Variants in THEMIS observed in about 807,000 individuals in gnomAD.
THEMIS encodes the protein thymocyte selection associated.
THEMIS carries 37 observed loss-of-function variants against 52.6 expected under a neutral mutation model. The ratio of observed to expected loss-of-function variants is 0.70; its 90% CI spans 0.54 to 0.93. The LOEUF is 0.93. Ranked by LOEUF, THEMIS falls within the 40% of genes least tolerant of loss-of-function variation. THEMIS has a pLI of 0.00. For synonymous variants in THEMIS, 292 were observed against 272.7 expected (o/e 1.07, Z -0.70); for missense variants, 808 against 763.1 (o/e 1.06, Z -0.69).
Position 127,747,646 on chromosome 6 carries a change from T to C in THEMIS, c.1759-27823A>G, listed in dbSNP as rs115802458. Reference sequence around the variant, plus strand: ...CCTTTTAAAAAATCTTTTCCCATGATAATCATTTTTGCATAAAAGACTACT... The same window carrying C: ...CCTTTTAAAAAATCTTTTCCCATGACAATCATTTTTGCATAAAAGACTACT... On this transcript the variant is annotated intron_variant, in intron 4 of 5. Coordinates refer to ENST00000368248, the MANE Select transcript of THEMIS (RefSeq NM_001010923.3). 1.5e-3 allele frequency among the ~76,000 whole-genome samples: 228 copies of C among 151,944 alleles called. 1 individual carries two copies. The highest frequency in any genetic ancestry group is 4.9e-3 in the African/African-American group (204 of 41,514).
At chr6:127,785,754 A>G (rs920779403) in intron 4 of THEMIS, among the ~76,000 whole-genome samples, 24 of 151,922 alleles carry the variant, frequency 1.6e-4, no homozygotes, top group African/African-American at 5.6e-4. Context: ...TAATGAAGTG[A>G]CTCATTATAT....
chr6:127,745,207 T>C (rs1011481724), intron 4 of THEMIS, among the ~76,000 whole-genome samples: 2 of 151,874 alleles, frequency 1.3e-5, no homozygotes, highest in Admixed American at 1.3e-4. Context: ...TTTGAAAATG[T>C]GTTTCAAGGA....
chr6:127,813,607 C>T lies in THEMIS; in HGVS notation c.1034G>A (p.Arg345Gln), dbSNP rs1282973546. 1.1e-5 allele frequency: 17 copies of T among 1,613,946 alleles called. No individual in the cohort carries two copies. Among genetic ancestry groups the T allele is most frequent in the South Asian group, 2.2e-5 (2 of 91,080 alleles). ...ATAGGCCGTTGGGAACTCCCTCGGT[C>T]GCCGCTTGAACTTGCCTTTATAGCT... ...PTSYKGKFKR[R>Q]PREFPTAYDL... The change falls in exon 4 of 6, where the codon CGA becomes CAA. Residue 345 changes from arginine to glutamine, a missense_variant. Transcript: ENST00000368248.
rs534573189 is a variant in THEMIS at position 127,912,133 on chromosome 6, A to C, written c.-150+6295T>G. Reference sequence around the variant, plus strand: ...CATCAGCATGATCTGGATGTGAGACATGGTGTCAAAGGAAATCATTTTGGA... The same window carrying C: ...CATCAGCATGATCTGGATGTGAGACCTGGTGTCAAAGGAAATCATTTTGGA... On this transcript the variant is annotated intron_variant, in intron 1 of 6. Coordinates refer to the THEMIS transcript ENST00000368250. 3.9e-5 allele frequency among the ~76,000 whole-genome samples: 6 copies of C among 152,304 alleles called. No homozygotes were observed. In the East Asian group the frequency reaches 1.2e-3, roughly 29 times the overall value.
intron 2 of THEMIS, among the ~76,000 whole-genome samples, chr6:127,836,344 T>A (rs1778874127): frequency 6.6e-6 from 1 of 152,128 alleles, no homozygotes; most frequent in Non-Finnish European, 1.5e-5. Context: ...ATTGAAGAAA[T>A]TATTCTGGTG....
intron 5 of THEMIS, among the ~76,000 whole-genome samples, chr6:127,713,433 A>C (rs683202): frequency 0.3 from 45,837 of 151,636 alleles, 8,910 homozygotes; most frequent in Non-Finnish European, 0.44. Flanking sequence ...CTTACTGTGA[A>C]CCTCTTATGA....
At chr6:127,731,052 T>G (rs537213634) in intron 4 of THEMIS, among the ~76,000 whole-genome samples, 2 of 152,370 alleles carry the variant, frequency 1.3e-5, no homozygotes, top group South Asian at 4.1e-4. Context: ...TTTAAAACTT[T>G]GCTTCTATAA....
At chr6:127,912,502 A>T (rs562771374) in intron 1 of THEMIS, among the ~76,000 whole-genome samples, 3 of 152,328 alleles carry the variant, frequency 2.0e-5, no homozygotes, top group African/African-American at 4.8e-5. Flanking sequence ...GTCAATCTGC[A>T]TCTTACTCAA....
At chr6:127,902,759 C>A (rs967407769), upstream of THEMIS, among the ~76,000 whole-genome samples, 3 of 152,026 alleles carry the variant, frequency 2.0e-5, no homozygotes, top group Non-Finnish European at 4.4e-5. Flanking sequence ...CCATACCCCT[C>A]CCCACAGTTT....
downstream of THEMIS, among the ~76,000 whole-genome samples, chr6:127,704,978 T>C (rs903644542): frequency 6.6e-6 from 1 of 152,178 alleles, no homozygotes; most frequent in African/African-American, 2.4e-5. Context: ...AAGACAATGG[T>C]GAAGTGAAAT....
chr6:127,763,367 T>G lies in THEMIS; in HGVS notation c.1759-43544A>C, dbSNP rs531588088. On this transcript the variant is annotated intron_variant, in intron 4 of 5. Transcript: ENST00000368248. The stretch of plus-strand genomic sequence containing the variant: ...TCAATATTCGTGTTGTGGCTATGAC[T>G]AGATTAACTAACTAACATCATCCCA... Among the ~76,000 whole-genome samples, 3 of 152,162 alleles carry G rather than the reference T, an allele frequency of 2.0e-5. No individual in the cohort carries two copies. In the East Asian group the frequency reaches 5.8e-4, roughly 29 times the overall value.
intron 1 of THEMIS, among the ~76,000 whole-genome samples, chr6:127,915,726 C>A (rs555899789): frequency 1.3e-5 from 2 of 152,256 alleles, no homozygotes; most frequent in Admixed American, 1.3e-4. Flanking sequence ...GTGGCTCACG[C>A]CTGTAATCCC....
intron 4 of THEMIS, among the ~76,000 whole-genome samples, chr6:127,794,752 TTTC>T (rs2114535855): frequency 6.6e-6 from 1 of 152,338 alleles, no homozygotes; most frequent in Non-Finnish European, 1.5e-5. Flanking sequence ...CTTGATATTC[TTTC>T]AAAAATTATT....
At chr6:127,837,255 A>G (rs1023903329) in intron 2 of THEMIS, among the ~76,000 whole-genome samples, 9 of 152,124 alleles carry the variant, frequency 5.9e-5, no homozygotes, top group African/African-American at 2.2e-4. Context: ...GCCAGAAGGA[A>G]GTTACCTCAT....
At chr6:127,828,132 T>C (rs532354539) in intron 3 of THEMIS, among the ~76,000 whole-genome samples, 45 of 152,352 alleles carry the variant, frequency 3.0e-4, no homozygotes, top group African/African-American at 9.1e-4. Context: ...TTTTTCTTGC[T>C]TCCTAATTTA....
At chr6:127,891,915 G>C (rs775047769) in intron 1 of THEMIS, among the ~76,000 whole-genome samples, 29 of 152,150 alleles carry the variant, frequency 1.9e-4, no homozygotes, top group Non-Finnish European at 3.7e-4. Flanking sequence ...TCCTCAAACA[G>C]ACAAAGCTCC....
chr6:127,721,132 A>G (rs1425985566), intron 4 of THEMIS, among the ~76,000 whole-genome samples: 2 of 151,994 alleles, frequency 1.3e-5, no homozygotes, highest in Non-Finnish European at 2.9e-5. Flanking sequence ...CAGATTGAAC[A>G]TGAGATGGGC....
At chr6:127,842,685 A>G (rs985413996) in intron 2 of THEMIS, among the ~76,000 whole-genome samples, 16 of 151,944 alleles carry the variant, frequency 1.1e-4, no homozygotes, top group African/African-American at 3.6e-4. Flanking sequence ...TAGGATAGAA[A>G]AGTCTTTCTC....
chr6:127,775,315 T>A (rs1451996565), intron 4 of THEMIS, among the ~76,000 whole-genome samples: 1 of 152,234 alleles, frequency 6.6e-6, no homozygotes, highest in African/African-American at 2.4e-5. Context: ...ATATGTGGAC[T>A]TGTGTACAAA....
Sources: allele counts gnomAD v4.1 joint callset (sites outside exome capture counted in the v4.1 genomes callset), GRCh38; gene constraint gnomAD v4.1.1; transcripts MANE v1.5; gene names NCBI Gene and HGNC (gene_info 2026-07-23, HGNC 2026-07-21).